The following PKNOX1 variants were observed in gnomAD, a reference collection of about 807,000 sequenced individuals.
PKNOX1 encodes the protein PBX/knotted 1 homeobox 1, also known as homeobox protein PKNOX1.
In PKNOX1, 15 loss-of-function variants were observed where a neutral mutation model predicts 51.9. The ratio of observed to expected loss-of-function variants is 0.29; its 90% CI spans 0.19 to 0.45. PKNOX1 has a LOEUF of 0.45. Among genes scored for constraint, PKNOX1 ranks in the 20% least tolerant of loss-of-function variants. The pLI, the probability that PKNOX1 is intolerant of heterozygous loss-of-function variation, is 1.00. For missense variants in PKNOX1, 462 were observed against 547.5 expected (o/e 0.84, Z 1.56); for synonymous variants, 219 against 211.1 (o/e 1.04, Z -0.32).
chr21:43,019,782 T>C (rs987746348), intron 7 of PKNOX1, among the ~76,000 whole-genome samples: 1 of 152,146 alleles, frequency 6.6e-6, no homozygotes, highest in African/African-American at 2.4e-5. Context: ...GCTCAAGCAG[T>C]CCGCCTGCCT....
At position 43,021,185 on chromosome 21, in the gene PKNOX1, C is replaced by A; in HGVS notation, c.721-118C>A. Reference sequence around the variant, plus strand: ...TCCACACAGGGTTCCCGTGCATGGGCCTCGACTACAATCATTTCCCTGTCC... The same window carrying A: ...TCCACACAGGGTTCCCGTGCATGGGACTCGACTACAATCATTTCCCTGTCC... On this transcript the variant is annotated intron_variant, in intron 7 of 10. Coordinates refer to ENST00000291547, the MANE Select transcript of PKNOX1 (RefSeq NM_004571.5). This position sits in a 1 kb window ranked among gnomAD's most constrained non-coding sequence, Gnocchi z 4.6. The A allele has an allele frequency of 2.6e-6, 2 of 768,866 alleles. No individual in the cohort carries two copies. The highest frequency in any genetic ancestry group is 2.1e-6 in the Non-Finnish European group (1 of 483,162). The allele number at this position is 768,866 out of a possible 1,614,324, so 47.6% of individuals were successfully genotyped here. A position where few individuals can be genotyped will look rare whatever the true frequency, so the allele number is the denominator to read the frequency against.
rs1980184810 is a variant in PKNOX1 at position 43,030,050 on chromosome 21, C to G, written c.1260C>G (p.Ala420=). 4 of 1,612,266 alleles carry G rather than the reference C, an allele frequency of 2.5e-6. No individual in the cohort carries two copies. The East Asian group carries it at 8.9e-5, about 36-fold the overall frequency. ...DSTEEDAGAL[A]PAHISGLVLE... Reference sequence around the variant, plus strand: ...CAGAGGAGGATGCGGGTGCCCTGGCCCCTGCCCACATCAGCGGGCTGGTCT... The same window carrying G: ...CAGAGGAGGATGCGGGTGCCCTGGCGCCTGCCCACATCAGCGGGCTGGTCT... Residue 420 remains alanine, a synonymous_variant, in exon 11 of 11, where the codon GCC becomes GCG. Coordinates refer to ENST00000291547, the MANE Select transcript of PKNOX1 (RefSeq NM_004571.5).
At chr21:43,001,964 T>TAAAC (rs1895843735) in intron 1 of PKNOX1, among the ~76,000 whole-genome samples, 1 of 150,368 alleles carries the variant, frequency 6.7e-6, no homozygotes, top group Admixed American at 6.6e-5. Context: ...CCGTCTCAAA[T>TAAAC]AAATAAATAA....
chr21:43,027,394 G>C (rs988752363), intron 9 of PKNOX1, among the ~76,000 whole-genome samples: 5 of 152,158 alleles, frequency 3.3e-5, no homozygotes, highest in African/African-American at 1.2e-4. Context: ...CAGTGGCATA[G>C]GGTGGTGGGT....
Position 43,029,871 on chromosome 21 carries a change from C to T in PKNOX1, c.1100-19C>T. 1 of 1,599,716 alleles carries T rather than the reference C, an allele frequency of 6.3e-7. No homozygotes were observed. The highest frequency in any genetic ancestry group is 1.3e-5 in the African/African-American group (1 of 74,794). ...GTGAGTACTAATTTAAATAATGACA[C>T]ACCTTCATCCTGCCGCAGGAGCTGT... On this transcript the variant is annotated intron_variant, in intron 10 of 10. Transcript: ENST00000291547.
In PKNOX1 at chr21:42,978,945, G is replaced by A. The variant is rs541168894; in HGVS notation, c.-57+4281G>A. ...GACAGGGTCTCATTCTGTTGCTCAGGTTGGGATGCAGTGGTGAGATCATAG... is the reference window on the plus strand; with the variant it reads ...GACAGGGTCTCATTCTGTTGCTCAGATTGGGATGCAGTGGTGAGATCATAG... On this transcript the variant is annotated intron_variant, in intron 1 of 10. Transcript: ENST00000291547. Among the ~76,000 whole-genome samples, 8 of 152,306 alleles carry A rather than the reference G, an allele frequency of 5.3e-5. No homozygotes were observed. The South Asian group carries it at 1.7e-3, about 32-fold the overall frequency.
Position 42,982,686 on chromosome 21 carries a change from G to A in PKNOX1, c.-57+8022G>A, listed in dbSNP as rs367791228. Among the ~76,000 whole-genome samples the A allele has an allele frequency of 4.8e-4, 71 of 146,738 alleles. 1 individual carries two copies. The East Asian group carries it at 8.6e-3, about 18-fold the overall frequency. Reference sequence around the variant, plus strand: ...GTGGAGGTTATGGTGAGCTGAGATCGCGCCATTGCACTCCAGCCTGGGCAA... The same window carrying A: ...GTGGAGGTTATGGTGAGCTGAGATCACGCCATTGCACTCCAGCCTGGGCAA... On this transcript the variant is annotated intron_variant, in intron 1 of 10. Coordinates refer to ENST00000291547, the MANE Select transcript of PKNOX1 (RefSeq NM_004571.5).
intron 1 of PKNOX1, among the ~76,000 whole-genome samples, chr21:42,992,928 T>TG (rs2059095757): frequency 7.1e-6 from 1 of 140,482 alleles, no homozygotes; most frequent in Non-Finnish European, 1.5e-5. Flanking sequence ...TCCTCAGCAC[T>TG]GGGGGTCTCC....
chr21:43,022,706 G>T (rs1441978187), intron 8 of PKNOX1, among the ~76,000 whole-genome samples: 4 of 152,184 alleles, frequency 2.6e-5, no homozygotes, highest in Non-Finnish European at 5.9e-5. Context: ...GGAAAGATTT[G>T]TGTGTAAGAA....
At chr21:42,986,427 G>A (rs752053686) in intron 1 of PKNOX1, among the ~76,000 whole-genome samples, 11 of 152,152 alleles carry the variant, frequency 7.2e-5, no homozygotes, top group Non-Finnish European at 1.3e-4. Context: ...CTTGAACCTG[G>A]GTGGTGAAGA....
At chr21:43,007,340 C>G (rs1228873061) in intron 2 of PKNOX1, 151 bp from the exon 3 acceptor site, 4 of 692,604 alleles carry the variant, frequency 5.8e-6, no homozygotes, top group Non-Finnish European at 9.9e-6. Flanking sequence ...ACATTAAATT[C>G]AAAGCTGTTT....
chr21:42,992,640 G>T (rs1419103454), intron 1 of PKNOX1, among the ~76,000 whole-genome samples: 1 of 152,116 alleles, frequency 6.6e-6, no homozygotes, highest in East Asian at 1.9e-4. Context: ...GCTGGAACAC[G>T]AGCTGGGGAT....
rs570049631 is a variant in PKNOX1 at position 42,991,128 on chromosome 21, A to G, written c.-56-13198A>G. Among the ~76,000 whole-genome samples, 599 of 152,260 alleles carry G rather than the reference A, an allele frequency of 3.9e-3. 4 individuals carry two copies. The highest frequency in any genetic ancestry group is 0.014 in the African/African-American group (571 of 41,558). On this transcript the variant is annotated intron_variant, in intron 1 of 10. Coordinates refer to ENST00000291547, the MANE Select transcript of PKNOX1 (RefSeq NM_004571.5). ...GCATGTCCTGAACCTTGTCAAAACT[A>G]TATGGATGTTTTAATATAGTTTTAA...
intron 1 of PKNOX1, among the ~76,000 whole-genome samples, chr21:42,997,628 C>T (rs1444818969): frequency 6.6e-6 from 1 of 152,148 alleles, no homozygotes; most frequent in Non-Finnish European, 1.5e-5. Context: ...AACTTGTAGT[C>T]CAAATGAACA....
chr21:43,019,782 T>G (rs987746348), intron 7 of PKNOX1, among the ~76,000 whole-genome samples: 1 of 152,146 alleles, frequency 6.6e-6, no homozygotes, highest in Non-Finnish European at 1.5e-5. Flanking sequence ...GCTCAAGCAG[T>G]CCGCCTGCCT....
intron 1 of PKNOX1, among the ~76,000 whole-genome samples, chr21:42,994,884 GGTT>G (rs1408543075): frequency 1.4e-5 from 2 of 147,382 alleles, no homozygotes; most frequent in African/African-American, 5.0e-5. Context: ...TACCACATTT[GGTT>G]GTTGTTTCTT....
chr21:42,988,152 C>T (rs548716758), intron 1 of PKNOX1, among the ~76,000 whole-genome samples: 1 of 152,208 alleles, frequency 6.6e-6, no homozygotes, highest in South Asian at 2.1e-4. Flanking sequence ...CTCCCGGGTT[C>T]AAGTGATTCT....
At chr21:43,003,607 C>T (rs1486055669) in intron 1 of PKNOX1, among the ~76,000 whole-genome samples, 10 of 152,166 alleles carry the variant, frequency 6.6e-5, no homozygotes, top group Admixed American at 6.5e-4. Context: ...GGGAAAGCAG[C>T]CCAGGCCCCC....
chr21:42,987,392 AAAAAAAAAAAAAATATATAT>A (rs1038536104), intron 1 of PKNOX1, among the ~76,000 whole-genome samples: 13 of 92,642 alleles, frequency 1.4e-4, no homozygotes, highest in African/African-American at 5.7e-4. Flanking sequence ...CAAAAAAAAA[AAAAAAAAAAAAAATATATAT>A]ATATATATAT....
Sources: gnomAD v4.1 joint callset for allele counts (sites outside exome capture counted in the v4.1 genomes callset) on GRCh38, gnomAD v4.1.1 for gene constraint, Gnocchi (gnomAD v3.1) non-coding constraint, MANE v1.5 for transcripts, NCBI Gene and HGNC (gene_info 2026-07-23, HGNC 2026-07-21) for gene names.